LY9: variants seen among roughly 807,000 people sequenced by gnomAD.
The protein encoded by LY9 is T-lymphocyte surface antigen Ly-9.
LY9 carries 59 observed loss-of-function variants against 64.6 expected under a neutral mutation model. The observed-to-expected ratio is 0.91, with a 90% CI of 0.74 to 1.13. The LOEUF (loss-of-function observed/expected upper bound fraction) is 1.13. Among genes scored for constraint, LY9 ranks in the 50% most tolerant of loss-of-function variants. The pLI, the probability that LY9 is intolerant of heterozygous loss-of-function variation, is 0.00. For synonymous variants in LY9, 281 were observed against 308.5 expected, an observed-to-expected ratio of 0.91 and a Z score of 0.93; for missense variants, 789 against 797.2, an observed-to-expected ratio of 0.99 and a Z score of 0.12.
intron 7 of LY9, among the ~76,000 whole-genome samples, chr1:160,820,811 T>C (rs1668363372): frequency 6.6e-6 from 1 of 151,924 alleles, no homozygotes; most frequent in Non-Finnish European, 1.5e-5. Flanking sequence ...CCTTAGTTCA[T>C]GTTGTCACCA....
In LY9 at chr1:160,819,368, A is replaced by G; in HGVS notation, c.1492A>G (p.Thr498Ala). 2 of 1,613,084 alleles carry G rather than the reference A, an allele frequency of 1.2e-6. No individual in the cohort carries two copies. The highest frequency in any genetic ancestry group is 1.7e-6 in the Non-Finnish European group (2 of 1,179,170). ...CAGCCAAGCTGAGGCCCCAGCGGAT[A>G]CACCAGGTAACATCACCCATGACAC... is the stretch of plus-strand genomic sequence containing the variant. Reference protein sequence around the residue: ...CSSQAEAPADTPEPTAGHTLY... With the variant: ...CSSQAEAPADAPEPTAGHTLY... Residue 498 changes from threonine to alanine, a missense_variant, in exon 7 of 10, where the codon ACA (threonine) becomes GCA (alanine). Transcript: ENST00000263285.
At chr1:160,802,286 A>G (rs1666570494) in intron 2 of LY9, 1 of 1,005,298 alleles carries the variant, frequency 9.9e-7, no homozygotes, top group African/African-American at 1.7e-5. Flanking sequence ...CTCGGGCAGC[A>G]TGCGGGTCCC....
intron 1 of LY9, among the ~76,000 whole-genome samples, chr1:160,798,648 A>G (rs1666135547): frequency 6.6e-6 from 1 of 152,158 alleles, no homozygotes; most frequent in African/African-American, 2.4e-5. Context: ...TGCTTGGCTG[A>G]TGGAGGTCTA....
intron 2 of LY9, among the ~76,000 whole-genome samples, chr1:160,801,098 G>T (rs1666430381): frequency 6.6e-6 from 1 of 151,960 alleles, no homozygotes; most frequent in East Asian, 1.9e-4. Context: ...TGGTATTACT[G>T]GATCAAATGC....
chr1:160,797,401 A>G, intron 1 of LY9: 1 of 445,868 alleles, frequency 2.2e-6, no homozygotes, highest in Non-Finnish European at 3.0e-6. Flanking sequence ...GTCCAGTCTG[A>G]CCTCTTTTCA....
At position 160,814,673 on chromosome 1, in the gene LY9, G is replaced by C. The variant is rs892591065; in HGVS notation, c.984G>C (p.Lys328Asn). Residue 328 changes from lysine to asparagine, a missense_variant, in exon 4 of 10, where the codon AAG becomes AAC. Coordinates refer to ENST00000263285, the MANE Select transcript of LY9 (RefSeq NM_002348.4). ...GCTCCCTGAAGATCAGCCAGCTGAA[G>C]ATAGAGGACGCCGGCCCCTACCATG... is the stretch of plus-strand genomic sequence containing the variant. ...QDCSLKISQL[K>N]IEDAGPYHAY... is the part of the protein sequence containing the mutation. 7.4e-6 allele frequency: 12 copies of C among 1,614,120 alleles called. No individual in the cohort carries two copies. The highest frequency in any genetic ancestry group is 9.3e-6 in the Non-Finnish European group (11 of 1,180,042).
chr1:160,816,699 T>G lies in LY9; in HGVS notation c.1178T>G (p.Met393Arg), dbSNP rs747260272. Residue 393 changes from methionine (M) to arginine (R), a missense_variant, in exon 5 of 10, where the codon ATG becomes AGG. Physicochemically the swap from Met to Arg is moderately conservative, Grantham distance 91. Coordinates refer to ENST00000263285, the MANE Select transcript of LY9 (RefSeq NM_002348.4). Reference sequence around the variant, plus strand: ...GTGGAGGACGGGGGAAACACTGTCATGTACACATGGACCCCGCTGCAGAAG... The same window carrying G: ...GTGGAGGACGGGGGAAACACTGTCAGGTACACATGGACCCCGCTGCAGAAG... ...CSVEDGGNTV[M>R]YTWTPLQKEA... The G allele has an allele frequency of 3.1e-6, 5 of 1,614,084 alleles. No homozygotes were observed. Among genetic ancestry groups the G allele is most frequent in the African/African-American group, 2.7e-5 (2 of 74,938 alleles).
chr1:160,827,890 G>A lies in LY9; in HGVS notation c.*74G>A. 1.6e-6 allele frequency: 2 copies of A among 1,232,682 alleles called. No homozygotes were observed. The highest frequency in any genetic ancestry group is 2.0e-5 in the Admixed American group (1 of 50,572). 76.4% of individuals were successfully genotyped at this position (1,232,682 alleles called of 1,614,324 possible). A position where few individuals can be genotyped will look rare whatever the true frequency, so the allele number is the denominator to read the frequency against. ...TCAGCTGGACCTCATGGGGCCTGGG[G>A]CTCACAGACAGAAGCACCTCAGAAT... On this transcript the variant is annotated 3_prime_UTR_variant, in exon 10 of 10. Transcript: ENST00000263285.
intron 2 of LY9, chr1:160,802,227 A>C: frequency 9.1e-7 from 1 of 1,093,466 alleles, no homozygotes; most frequent in Non-Finnish European, 1.1e-6. Context: ...TTGCTTATTT[A>C]TTGCATTGCT....
intron 2 of LY9, chr1:160,802,326 C>T: frequency 1.0e-6 from 1 of 988,826 alleles, no homozygotes. Flanking sequence ...TGGATGTCCC[C>T]TGCAGGCGCG....
Position 160,819,292 on chromosome 1 carries a change from G to A in LY9, c.1445-29G>A. 1.9e-6 allele frequency: 3 copies of A among 1,600,646 alleles called. 1 individual carries two copies. Among genetic ancestry groups the A allele is most frequent in the South Asian group, 2.2e-5 (2 of 90,750 alleles). The stretch of plus-strand genomic sequence containing the variant: ...ACACCTCTCACCTCACAGCCCTCTT[G>A]ATAAACCTTCTCTAACTTTGTTTCT... On this transcript the variant is annotated intron_variant, in intron 6 of 9. Transcript: ENST00000263285.
At chr1:160,797,276 G>A in intron 1 of LY9, 1 of 985,462 alleles carries the variant, frequency 1.0e-6, no homozygotes, top group South Asian at 4.7e-5. Flanking sequence ...GATGGTGCAG[G>A]TAGCACTAGA....
At chr1:160,818,714 G>A (rs1201390649) in intron 6 of LY9, among the ~76,000 whole-genome samples, 1 of 152,118 alleles carries the variant, frequency 6.6e-6, no homozygotes, top group Non-Finnish European at 1.5e-5. Context: ...GCAGCCCGCT[G>A]AGGGAAGGGG....
chr1:160,802,508 C>CCAGGCACCAACTCAGTGTTTGT (rs1666596738), intron 2 of LY9: 1 of 985,524 alleles, frequency 1.0e-6, no homozygotes, highest in Non-Finnish European at 1.2e-6. Flanking sequence ...GCGGGCCGCG[C>CCAGGCACCAACTCAGTGTTTGT]CAGGCACCAA....
intron 9 of LY9, 24 bp from the exon 10 acceptor site, chr1:160,827,724 C>A: frequency 3.1e-6 from 5 of 1,588,478 alleles, no homozygotes; most frequent in Non-Finnish European, 4.3e-6. Context: ...TAACCATATT[C>A]TTTTGTGGAT....
Position 160,818,332 on chromosome 1 carries a change from GATCA to G in LY9, c.1444+16_1444+19del. ...CGAAAAGGACGGTGTGAGTTTCCGA[GATCA>G]ATGTTGTCCGCCAGTGCTAGGCCAT... On this transcript the variant is annotated intron_variant, in intron 6 of 9. Coordinates refer to ENST00000263285, the MANE Select transcript of LY9 (RefSeq NM_002348.4). 1 of 1,602,920 alleles carries G rather than the reference GATCA, an allele frequency of 6.2e-7. No homozygotes were observed.
chr1:160,802,988 AT>A (rs895454879), intron 2 of LY9, among the ~76,000 whole-genome samples: 151 of 151,292 alleles, frequency 1.0e-3, no homozygotes, highest in Non-Finnish European at 1.5e-3. Context: ...ATATTTTAGG[AT>A]TTTTTTTTCT....
At chr1:160,824,626 C>A in intron 9 of LY9, 8 of 983,234 alleles carry the variant, frequency 8.1e-6, no homozygotes, top group Non-Finnish European at 9.7e-6. Flanking sequence ...AACAATTTAA[C>A]AACAAGAATT....
In LY9 at chr1:160,825,122, C is replaced by T. The variant is rs373485888; in HGVS notation, c.1899+873C>T. Among the ~76,000 whole-genome samples, 7 of 151,436 alleles carry T rather than the reference C, an allele frequency of 4.6e-5. No homozygotes were observed. The South Asian group carries it at 8.3e-4, about 18-fold the overall frequency. On this transcript the variant is annotated intron_variant, in intron 9 of 9. Transcript: ENST00000263285. ...ACTTAGGACACTTAAGTGGGAGGAC[C>T]GCTTGAGCCGGGGAGTTCAAGGCTG...
Sources: gnomAD v4.1 joint callset for allele counts (sites outside exome capture counted in the v4.1 genomes callset) on GRCh38, gnomAD v4.1.1 for gene constraint, MANE v1.5 for transcripts, NCBI Gene and HGNC (gene_info 2026-07-23, HGNC 2026-07-21) for gene names.